Variants in KCND3 observed in about 807,000 individuals in gnomAD.
KCND3 encodes the protein potassium voltage-gated channel subfamily D member 3.
KCND3 carries 9 observed loss-of-function variants against 51.1 expected under a neutral mutation model. That is an observed-to-expected ratio of 0.18 (90% CI 0.11 to 0.31). The LOEUF (loss-of-function observed/expected upper bound fraction) is 0.31. KCND3 is among the 10% of genes least tolerant of loss of function. The pLI is 1.00. For synonymous variants in KCND3, 349 were observed against 368.0 expected (o/e 0.95, Z 0.59); for missense variants, 526 against 903.8 (o/e 0.58, Z 5.36).
intron 2 of KCND3, among the ~76,000 whole-genome samples, chr1:111,973,134 T>A (rs1321195234): frequency 6.6e-6 from 1 of 152,236 alleles, no homozygotes; most frequent in Non-Finnish European, 1.5e-5. Flanking sequence ...CCTTTTTAAT[T>A]GTTTGGCTGA....
intron 2 of KCND3, among the ~76,000 whole-genome samples, chr1:111,954,321 G>T (rs10857915): frequency 2.6e-5 from 4 of 151,968 alleles, no homozygotes; most frequent in African/African-American, 9.7e-5. Context: ...AACTGTGCCC[G>T]CTACCCCACC....
At chr1:111,947,513 G>A (rs1672836064) in intron 2 of KCND3, among the ~76,000 whole-genome samples, 1 of 152,220 alleles carries the variant, frequency 6.6e-6, no homozygotes, top group Admixed American at 6.5e-5. Context: ...AAGAAGTTCA[G>A]ACTTGGAGAG....
At chr1:111,848,273 T>C (rs1383719226) in intron 2 of KCND3, among the ~76,000 whole-genome samples, 6 of 152,226 alleles carry the variant, frequency 3.9e-5, no homozygotes, top group South Asian at 2.1e-4. Flanking sequence ...TCAGAACTCA[T>C]GTCTGTGTAG....
At chr1:111,868,606 T>A (rs956425845) in intron 2 of KCND3, among the ~76,000 whole-genome samples, 2 of 152,228 alleles carry the variant, frequency 1.3e-5, no homozygotes, top group Non-Finnish European at 2.9e-5. Context: ...ATAGCTACCA[T>A]TTATTAAGCA....
At chr1:111,989,174 C>A (rs1163548258) in intron 1 of KCND3, 1 of 152,328 alleles carries the variant, frequency 6.6e-6, no homozygotes, top group Admixed American at 6.5e-5. Flanking sequence ...TCACCAAGAG[C>A]GGGGACGGAG....
chr1:111,977,693 T>A (rs935608032), intron 2 of KCND3, among the ~76,000 whole-genome samples: 5 of 152,144 alleles, frequency 3.3e-5, no homozygotes, highest in Non-Finnish European at 5.9e-5. Flanking sequence ...AAGGCTTTAC[T>A]CTCACATGCT....
intron 1 of KCND3, among the ~76,000 whole-genome samples, chr1:111,985,858 C>T (rs912982116): frequency 2.4e-4 from 36 of 152,226 alleles, no homozygotes; most frequent in Admixed American, 1.6e-3. Flanking sequence ...TGACATTTCC[C>T]GTAAGCGTCA....
At chr1:111,816,685 T>A (rs184328023) in intron 2 of KCND3, among the ~76,000 whole-genome samples, 2 of 152,346 alleles carry the variant, frequency 1.3e-5, no homozygotes, top group Non-Finnish European at 2.9e-5. Flanking sequence ...GCCAACTGTT[T>A]TACAGGTGGA....
At chr1:111,958,417 T>G (rs1180446129) in intron 2 of KCND3, among the ~76,000 whole-genome samples, 9 of 152,106 alleles carry the variant, frequency 5.9e-5, no homozygotes, top group Admixed American at 4.6e-4. Flanking sequence ...GTAGGAAAAG[T>G]TGGTCACTGA....
intron 2 of KCND3, among the ~76,000 whole-genome samples, chr1:111,913,696 C>T (rs1167978613): frequency 1.3e-5 from 2 of 152,046 alleles, no homozygotes; most frequent in African/African-American, 4.8e-5. Context: ...TCACTTGAGC[C>T]CAGGAGTTGG....
chr1:111,875,832 G>T (rs1669026487), intron 2 of KCND3, among the ~76,000 whole-genome samples: 1 of 152,212 alleles, frequency 6.6e-6, no homozygotes, highest in Non-Finnish European at 1.5e-5. Flanking sequence ...CAACCACCAG[G>T]ATGGTATTTT....
At chr1:111,961,601 T>G (rs1010599791) in intron 2 of KCND3, among the ~76,000 whole-genome samples, 3 of 152,046 alleles carry the variant, frequency 2.0e-5, no homozygotes, top group African/African-American at 7.2e-5. Flanking sequence ...TACCTCCTCT[T>G]CCCTTTCCCT....
At chr1:111,788,910 A>G (rs1409454429) in intron 2 of KCND3, among the ~76,000 whole-genome samples, 2 of 152,212 alleles carry the variant, frequency 1.3e-5, no homozygotes, top group African/African-American at 4.8e-5. Flanking sequence ...AATAGATACT[A>G]TTACTTTTAG....
At chr1:111,967,145 A>G (rs1674043261) in intron 2 of KCND3, among the ~76,000 whole-genome samples, 2 of 151,150 alleles carry the variant, frequency 1.3e-5, no homozygotes, top group South Asian at 4.2e-4. Context: ...CGTCTCAAAA[A>G]AAAAAAAACA....
chr1:111,777,177 G>T lies in KCND3; in HGVS notation c.1615C>A (p.His539Asn). ...CAGCAGGTGGTAGTGAGGCCTGGGT[G>T]GCTGGACAGTGAGGGACTTCTTGTG... Reference protein sequence around the residue: ...PSTRSPSLSSHPGLTTTCCSR... With the variant: ...PSTRSPSLSSNPGLTTTCCSR... Residue 539 changes from histidine to asparagine, a missense_variant, in exon 7 of 8, where the codon CAC becomes AAC. Physicochemically the swap from His to Asn is moderately conservative, Grantham distance 68. Coordinates refer to ENST00000302127, the MANE Select transcript of KCND3 (RefSeq NM_001378969.1). 1 of 1,614,214 alleles carries T rather than the reference G, an allele frequency of 6.2e-7. No homozygotes were observed. The highest frequency in any genetic ancestry group is 8.5e-7 in the Non-Finnish European group (1 of 1,180,040).
intron 2 of KCND3, among the ~76,000 whole-genome samples, chr1:111,845,911 C>A (rs1240479954): frequency 9.6e-6 from 1 of 103,832 alleles, no homozygotes; most frequent in Admixed American, 8.3e-5. Context: ...ACATTGCTGT[C>A]CCCCTGCACC....
intron 2 of KCND3, among the ~76,000 whole-genome samples, chr1:111,914,189 T>C (rs1427973613): frequency 6.8e-6 from 1 of 147,560 alleles, no homozygotes; most frequent in African/African-American, 2.5e-5. Flanking sequence ...ATAAATGAGA[T>C]TAACAGATAC....
intron 2 of KCND3, among the ~76,000 whole-genome samples, chr1:111,980,441 C>G (rs989922688): frequency 1.3e-5 from 2 of 151,940 alleles, no homozygotes. Flanking sequence ...TCCCAATAAG[C>G]ATACGCAGCA....
chr1:111,899,105 C>T (rs1209528960), intron 2 of KCND3, among the ~76,000 whole-genome samples: 5 of 152,184 alleles, frequency 3.3e-5, no homozygotes, highest in Admixed American at 2.0e-4. Flanking sequence ...GTGCTTCTTG[C>T]TGAAGATCTG....
Sources: allele counts gnomAD v4.1 joint callset (sites outside exome capture counted in the v4.1 genomes callset), GRCh38; gene constraint gnomAD v4.1.1; transcripts MANE v1.5; gene names NCBI Gene and HGNC (gene_info 2026-07-23, HGNC 2026-07-21).